MPG: variants seen among roughly 807,000 people sequenced by gnomAD.
The protein encoded by MPG is DNA-3-methyladenine glycosylase.
Under a neutral mutation model 31.7 loss-of-function variants are expected in MPG, and 33 were observed. That is an observed-to-expected ratio of 1.04 (90% CI 0.79 to 1.39). The LOEUF (loss-of-function observed/expected upper bound fraction) is 1.39, where lower values mean the gene tolerates loss of function less well. MPG is among the 40% of genes most tolerant of loss of function. The pLI is 0.00. For missense variants in MPG, 455 were observed against 415.5 expected, an observed-to-expected ratio of 1.10 and a Z score of -0.83; for synonymous variants, 202 against 169.2, an observed-to-expected ratio of 1.19 and a Z score of -1.51.
At chr16:82,413 C>G (rs1898275350) in intron 2 of MPG, among the ~76,000 whole-genome samples, 1 of 152,204 alleles carries the variant, frequency 6.6e-6, no homozygotes. Context: ...TGGTTGGTCC[C>G]CAGTGCTCTG....
rs1192366965 is a variant in MPG, at chr16:82,234, A to AG, written c.301-817dup. ...TCTTCCCACCACCCTATCTCCGGGAAGCCCTCCTGAATGCTCCCCCGGCGA... is the reference window on the plus strand; with the variant it reads ...TCTTCCCACCACCCTATCTCCGGGAAGGCCCTCCTGAATGCTCCCCCGGCGA... On this transcript the variant is annotated intron_variant, in intron 2 of 3. Coordinates refer to ENST00000356432, the MANE Select transcript of MPG (RefSeq NM_001015052.3). 2.0e-5 allele frequency among the ~76,000 whole-genome samples: 3 copies of AG among 148,206 alleles called. 1 individual carries two copies. The highest frequency in any genetic ancestry group is 4.4e-5 in the Non-Finnish European group (3 of 67,656).
In MPG at chr16:83,210, G is replaced by A. The variant is rs376931286; in HGVS notation, c.459G>A (p.Val153=). 65 of 1,613,028 alleles carry A rather than the reference G, an allele frequency of 4.0e-5. No homozygotes were observed. The highest frequency in any genetic ancestry group is 1.3e-5 in the African/African-American group (1 of 74,924). Residue 153 remains valine, a synonymous_variant, in exon 3 of 4, where the codon GTG becomes GTA. Coordinates refer to ENST00000356432, the MANE Select transcript of MPG (RefSeq NM_001015052.3). ...GMFMKPGTLY[V]YIIYGMYFCM... ...TCATGAAGCCGGGGACCCTGTACGT[G>A]TACATCATTTACGGCATGTACTTCT...
intron 1 of MPG, chr16:79,136 C>A (rs1203295009): frequency 1.3e-6 from 2 of 1,496,382 alleles, no homozygotes; most frequent in Non-Finnish European, 1.8e-6. Flanking sequence ...ATCTGCTCCC[C>A]AGGTCATGCA....
intron 2 of MPG, chr16:79,945 C>T (rs1399824226): frequency 2.6e-5 from 15 of 576,728 alleles, no homozygotes; most frequent in Non-Finnish European, 4.0e-5. Flanking sequence ...TGTCTGCCCC[C>T]GGCTCTGGGC....
At chr16:77,629 G>A (rs1898122810), upstream of MPG, among the ~76,000 whole-genome samples, 1 of 152,228 alleles carries the variant, frequency 6.6e-6, no homozygotes, top group Admixed American at 6.5e-5. Flanking sequence ...GGGCTCTGCT[G>A]CAGAGGCAGA....
chr16:80,547 A>G (rs547718886), intron 2 of MPG, among the ~76,000 whole-genome samples: 9 of 152,324 alleles, frequency 5.9e-5, no homozygotes, highest in Admixed American at 2.0e-4. Flanking sequence ...GTGGTGGCTC[A>G]TGCCGGTAAT....
In MPG at chr16:79,554, C is replaced by A. The variant is rs994445798; in HGVS notation, c.154C>A (p.Pro52Thr). 6.2e-7 allele frequency: 1 copy of A among 1,612,858 alleles called. No homozygotes were observed. Among genetic ancestry groups the A allele is most frequent in the Non-Finnish European group, 8.5e-7 (1 of 1,179,922 alleles). The change falls in exon 2 of 4, where the codon CCC becomes ACC. Residue 52 changes from proline to threonine, a missense_variant. Physicochemically the swap from Pro to Thr is conservative, Grantham distance 38. Coordinates refer to ENST00000356432, the MANE Select transcript of MPG (RefSeq NM_001015052.3). ...SSSDAAQAPC[P>T]RERCLGPPTT... ...GTCCGATGCAGCCCAGGCACCTTGC[C>A]CCAGGGAGCGCTGCTTGGGACCGCC...
chr16:82,256 G>A lies in MPG; in HGVS notation c.301-796G>A, dbSNP rs940591383. 2.1e-4 allele frequency among the ~76,000 whole-genome samples: 32 copies of A among 150,360 alleles called. 2 individuals are homozygous for A. The highest frequency in any genetic ancestry group is 8.9e-5 in the Non-Finnish European group (6 of 67,436). ...GGAAGCCCTCCTGAATGCTCCCCCG[G>A]CGAGCATCTAAGCTCCAGTGCCCCT... On this transcript the variant is annotated intron_variant, in intron 2 of 3. Coordinates refer to ENST00000356432, the MANE Select transcript of MPG (RefSeq NM_001015052.3).
chr16:85,367 G>T, intron 3 of MPG, 34 bp from the exon 4 acceptor site: 1 of 1,563,848 alleles, frequency 6.4e-7, no homozygotes, highest in South Asian at 1.2e-5. Context: ...CAGGAGCCTA[G>T]GGAGGCTCCA....
intron 3 of MPG, 88 bp downstream of exon 3, chr16:83,344 G>A: frequency 1.5e-6 from 2 of 1,359,378 alleles, no homozygotes; most frequent in Non-Finnish European, 2.0e-6. Context: ...ACTGAGGTGG[G>A]GCCAGCATTT....
intron 2 of MPG, among the ~76,000 whole-genome samples, chr16:81,602 C>T (rs1898238341): frequency 6.7e-6 from 1 of 148,616 alleles, no homozygotes; most frequent in African/African-American, 2.6e-5. Flanking sequence ...ACCCTATCTC[C>T]AGGAAGGCCT....
chr16:78,319 C>A lies in MPG; in HGVS notation c.10C>A (p.Arg4Ser). The A allele has an allele frequency of 7.6e-7, 1 of 1,323,838 alleles. No individual in the cohort carries two copies. The allele number at this position is 1,323,838 out of a possible 1,614,324, so 82.0% of individuals were successfully genotyped here. Residue 4 changes from arginine to serine, a missense_variant, in exon 1 of 4, where the codon CGC (arginine) becomes AGC (serine). Arg to Ser is a moderately radical substitution (Grantham distance 110). Coordinates refer to ENST00000356432, the MANE Select transcript of MPG (RefSeq NM_001015052.3). ...CGGCCCGAGCCGCCGGATGCCCGCG[C>A]GCAGCGGGGCCCAGGTGAGCGCGCG... MPA[R>S]SGAQFCRRMG...
Position 78,225 on chromosome 16 carries a change from G to A in MPG, c.-85G>A, listed in dbSNP as rs1350591740. 1.2e-5 allele frequency: 15 copies of A among 1,254,924 alleles called. No individual in the cohort carries two copies. Among genetic ancestry groups the A allele is most frequent in the African/African-American group, 1.6e-5 (1 of 63,262 alleles). 77.7% of individuals were successfully genotyped at this position (1,254,924 alleles called of 1,614,324 possible). On this transcript the variant is annotated 5_prime_UTR_variant, in exon 1 of 4. Transcript: ENST00000356432. ...TTCTGCGCAGGCGCCGCTCCGCCCC[G>A]GTCCTAGGGGTGCTTCCGTGGTCGG...
chr16:79,217 C>T (rs1388898864), intron 1 of MPG: 21 of 1,550,568 alleles, frequency 1.4e-5, no homozygotes, highest in East Asian at 1.2e-4. Context: ...CAGCAGCAGC[C>T]GTCCATCGTC....
chr16:82,054 C>T (rs111549690), intron 2 of MPG, among the ~76,000 whole-genome samples: 51 of 111,994 alleles, frequency 4.6e-4, no homozygotes, highest in East Asian at 2.2e-3. Context: ...CACCACCCTA[C>T]CTCCGGGAAG....
At chr16:77,433 TTG>T (rs987079320), upstream of MPG, among the ~76,000 whole-genome samples, 13 of 151,930 alleles carry the variant, frequency 8.6e-5, no homozygotes, top group African/African-American at 3.1e-4. Context: ...ACTTGAGAGG[TTG>T]TGAGAGCTTA....
At chr16:80,600 G>A (rs1898212595) in intron 2 of MPG, among the ~76,000 whole-genome samples, 2 of 152,160 alleles carry the variant, frequency 1.3e-5, no homozygotes, top group Non-Finnish European at 2.9e-5. Context: ...CACGAGGTCA[G>A]GAGTTTGAGA....
chr16:77,212 G>A (rs1898111497), upstream of MPG: 2 of 152,296 alleles, frequency 1.3e-5, no homozygotes, highest in Admixed American at 1.3e-4. Context: ...TGGGTTGTGG[G>A]GTGGGATTGT....
intron 3 of MPG, among the ~76,000 whole-genome samples, chr16:85,083 AAC>A (rs567868664): frequency 1.3e-5 from 2 of 152,202 alleles, no homozygotes; most frequent in South Asian, 4.1e-4. Flanking sequence ...ATGTGTTTTT[AAC>A]AGTCTGGCTT....
Sources: gnomAD v4.1 joint callset for allele counts (sites outside exome capture counted in the v4.1 genomes callset) on GRCh38, gnomAD v4.1.1 for gene constraint, MANE v1.5 for transcripts, NCBI Gene and HGNC (gene_info 2026-07-23, HGNC 2026-07-21) for gene names.